MYO16: variants seen among roughly 807,000 people sequenced by gnomAD.
The protein encoded by MYO16 is myosin XVI.
A neutral mutation model predicts 205.3 loss-of-function variants in MYO16; 94 were observed. The ratio of observed to expected loss-of-function variants is 0.46; its 90% CI spans 0.39 to 0.54. The LOEUF (loss-of-function observed/expected upper bound fraction) is 0.54, where lower values mean the gene tolerates loss of function less well. Among genes scored for constraint, MYO16 ranks in the 20% least tolerant of loss-of-function variants. MYO16 has a pLI of 0.00. For synonymous variants in MYO16, 988 were observed against 954.0 expected (o/e 1.04, Z -0.66); for missense variants, 2,315 against 2,387.5 (o/e 0.97, Z 0.63).
intron 20 of MYO16, among the ~76,000 whole-genome samples, chr13:108,972,249 CTATATA>C (rs1158879237): frequency 3.9e-3 from 11 of 2,848 alleles, no homozygotes; most frequent in East Asian, 0.015. Flanking sequence ...CTCTCTCTCT[CTATATA>C]TATATATATA....
chr13:109,020,163 G>A (rs1885973759), intron 23 of MYO16, among the ~76,000 whole-genome samples: 2 of 152,094 alleles, frequency 1.3e-5, no homozygotes, highest in Admixed American at 1.3e-4. Context: ...ATGAGCAAAG[G>A]ATCCCTGGGT....
intron 4 of MYO16, among the ~76,000 whole-genome samples, chr13:108,763,786 GTT>G (rs1491320599): frequency 1.0e-5 from 1 of 98,936 alleles, no homozygotes; most frequent in Non-Finnish European, 1.9e-5. Context: ...GAGAAAAGGA[GTT>G]GTGTGTGTGT....
chr13:108,639,586 G>A (rs190959538), intron 1 of MYO16, among the ~76,000 whole-genome samples: 55 of 152,312 alleles, frequency 3.6e-4, no homozygotes, highest in Non-Finnish European at 7.2e-4. Context: ...CATAGGTCAG[G>A]TTTAGAATTT....
intron 28 of MYO16, among the ~76,000 whole-genome samples, chr13:109,118,673 A>T (rs1321048347): frequency 6.6e-6 from 1 of 152,156 alleles, no homozygotes; most frequent in Non-Finnish European, 1.5e-5. Context: ...GAGAGGTGAC[A>T]TGTTCCCTCC....
intron 11 of MYO16, among the ~76,000 whole-genome samples, chr13:108,862,702 C>T (rs978909045): frequency 2.6e-5 from 4 of 152,092 alleles, no homozygotes; most frequent in African/African-American, 9.7e-5. Flanking sequence ...TAATCATGAC[C>T]TTTGGTTCAT....
intron 3 of MYO16, among the ~76,000 whole-genome samples, chr13:108,726,688 A>G (rs1484273154): frequency 6.6e-6 from 1 of 152,188 alleles, no homozygotes; most frequent in Non-Finnish European, 1.5e-5. Context: ...GCAGAACATC[A>G]AGGTACAGGA....
At chr13:108,761,168 A>G (rs956566963) in intron 4 of MYO16, among the ~76,000 whole-genome samples, 2 of 152,198 alleles carry the variant, frequency 1.3e-5, no homozygotes, top group African/African-American at 2.4e-5. Flanking sequence ...AGTGCATTTT[A>G]TAGTGACCTT....
At chr13:108,778,342 G>C (rs1886189771) in intron 4 of MYO16, among the ~76,000 whole-genome samples, 1 of 152,212 alleles carries the variant, frequency 6.6e-6, no homozygotes, top group Admixed American at 6.5e-5. Flanking sequence ...TTCACAGTTG[G>C]GTGCAGTGGC....
At chr13:108,769,330 G>A (rs981646414) in intron 4 of MYO16, among the ~76,000 whole-genome samples, 6 of 152,158 alleles carry the variant, frequency 3.9e-5, no homozygotes, top group Non-Finnish European at 2.9e-5. Flanking sequence ...TGGGAGCCAC[G>A]TGTGTGAGGG....
At chr13:108,962,320 G>A (rs1038340915) in intron 18 of MYO16, 104 bp from the exon 19 acceptor site, 1 of 802,756 alleles carries the variant, frequency 1.2e-6, no homozygotes, top group Non-Finnish European at 2.0e-6. Context: ...CTCATGTTTT[G>A]TAATGTGCCT....
At chr13:108,757,683 A>G (rs951542511) in intron 4 of MYO16, among the ~76,000 whole-genome samples, 1 of 151,894 alleles carries the variant, frequency 6.6e-6, no homozygotes, top group Admixed American at 6.6e-5. Flanking sequence ...CCTGTGTCCA[A>G]GTGTTCTCAT....
At chr13:108,651,430 G>A (rs1880998585) in intron 1 of MYO16, among the ~76,000 whole-genome samples, 1 of 152,208 alleles carries the variant, frequency 6.6e-6, no homozygotes, top group African/African-American at 2.4e-5. Context: ...TTTTGATCAT[G>A]ACCAAATCAC....
chr13:109,022,201 A>T (rs1428518955), intron 23 of MYO16, among the ~76,000 whole-genome samples: 2 of 135,688 alleles, frequency 1.5e-5, no homozygotes, highest in Non-Finnish European at 3.0e-5. Flanking sequence ...TTTATAATGT[A>T]TTTATAATTT....
Position 109,141,406 on chromosome 13 carries a change from T to TTTGCATGGACGCTGTGC in MYO16, c.5164+35_5164+51dup. The TTTGCATGGACGCTGTGC allele has an allele frequency of 7.2e-7, 1 of 1,382,034 alleles. No individual in the cohort carries two copies. The highest frequency in any genetic ancestry group is 9.6e-7 in the Non-Finnish European group (1 of 1,045,442). The allele number at this position is 1,382,034 out of a possible 1,614,324, so 85.6% of individuals were successfully genotyped here. A position where few individuals can be genotyped will look rare whatever the true frequency, so the allele number is the denominator to read the frequency against. ...GCGGAGCAGACATCCCCCCACTCCT[T>TTTGCATGGACGCTGTGC]TTGCATGGACGCTGTGCTTGCGTGC... is the stretch of plus-strand genomic sequence containing the variant. On this transcript the variant is annotated intron_variant, in intron 32 of 34. Transcript: ENST00000457511. This position sits in a 1 kb window ranked among gnomAD's most constrained non-coding sequence, Gnocchi z 4.1.
chr13:109,062,642 T>C (rs1024001496), intron 27 of MYO16, among the ~76,000 whole-genome samples: 8 of 152,076 alleles, frequency 5.3e-5, no homozygotes, highest in Admixed American at 3.3e-4. Flanking sequence ...ACAAAAAATA[T>C]TGATTCATAG....
the MYO16 span, among the ~76,000 whole-genome samples, chr13:108,568,968 T>A: frequency 1.4e-4 from 21 of 152,076 alleles, no homozygotes; most frequent in Non-Finnish European, 2.2e-4. Flanking sequence ...TCAAGTTTAA[T>A]TGACCATAAA....
the MYO16 span, among the ~76,000 whole-genome samples, chr13:108,495,748 G>A: frequency 2.0e-5 from 3 of 150,852 alleles, no homozygotes; most frequent in Non-Finnish European, 3.0e-5. Flanking sequence ...GCCGCCGAGC[G>A]GGTGGCGGAG....
chr13:108,820,523 T>A (rs1875910314), intron 8 of MYO16, 111 bp downstream of exon 8: 1 of 873,514 alleles, frequency 1.1e-6, no homozygotes, highest in Admixed American at 2.1e-5. Flanking sequence ...GACATGCCTG[T>A]GAAGCTGTGT....
At chr13:108,733,873 G>A (rs1292589656) in intron 4 of MYO16, among the ~76,000 whole-genome samples, 1 of 152,188 alleles carries the variant, frequency 6.6e-6, no homozygotes, top group African/African-American at 2.4e-5. Context: ...GGAGGCTGAG[G>A]CAGGAGAATG....
Sources: gnomAD v4.1 joint callset for allele counts (sites outside exome capture counted in the v4.1 genomes callset) on GRCh38, gnomAD v4.1.1 for gene constraint, Gnocchi (gnomAD v3.1) non-coding constraint, MANE v1.5 for transcripts, NCBI Gene and HGNC (gene_info 2026-07-23, HGNC 2026-07-21) for gene names.